Variants in DDX60L observed in about 807,000 individuals in gnomAD.
The protein encoded by DDX60L is probable ATP-dependent RNA helicase DDX60-like.
In DDX60L, 191 loss-of-function variants were observed where a neutral mutation model predicts 211.6. The observed-to-expected ratio is 0.90, with a 90% CI of 0.80 to 1.02. The LOEUF is 1.02. Among genes scored for constraint, DDX60L ranks in the 50% least tolerant of loss-of-function variants. The probability of loss-of-function intolerance (pLI) is 0.00; values close to 1 mark genes in which losing one functional copy is unlikely to be tolerated. For missense variants in DDX60L, 2,007 were observed against 1,984.1 expected (o/e 1.01, Z -0.22); for synonymous variants, 706 against 694.1 (o/e 1.02, Z -0.27).
chr4:168,466,016 A>G (rs999078364), intron 4 of DDX60L, among the ~76,000 whole-genome samples: 71 of 152,326 alleles, frequency 4.7e-4, no homozygotes, highest in African/African-American at 1.6e-3. Context: ...AATTATTTCT[A>G]ATTAAATGGT....
intron 35 of DDX60L, among the ~76,000 whole-genome samples, chr4:168,372,962 A>G (rs2149642944): frequency 6.6e-6 from 1 of 152,302 alleles, no homozygotes; most frequent in East Asian, 1.9e-4. Flanking sequence ...AAATGTCAAT[A>G]TTTATAATGA....
rs1011713066 is a variant in DDX60L at position 168,448,728 on chromosome 4, A to C, written c.1048T>G (p.Trp350Gly). 18 of 1,607,354 alleles carry C rather than the reference A, an allele frequency of 1.1e-5. No individual in the cohort carries two copies. The highest frequency in any genetic ancestry group is 1.5e-5 in the Non-Finnish European group (18 of 1,174,952). ...GAAACATGATTTAAATTCAGATTCC[A>C]GCATCCAAAAACGTTTAAGTTGCTT... Reference protein sequence around the residue: ...ILSNLNVFGCWNLNLNHVSDL... With the variant: ...ILSNLNVFGCGNLNLNHVSDL... Residue 350 changes from tryptophan to glycine, a missense_variant, in exon 9 of 38, where the codon TGG becomes GGG. By Grantham distance (184) the Trp-to-Gly change is radical. Coordinates refer to ENST00000682922, the MANE Select transcript of DDX60L (RefSeq NM_001012967.3).
Position 168,422,585 on chromosome 4 carries a change from A to T in DDX60L, c.2183T>A (p.Ile728Lys), listed in dbSNP as rs756114135. Reference sequence around the variant, plus strand: ...ATCCCGATCTTTTCTTTCATCTCTTATCAAGTAATGGCCCATGTATTGCAG... The same window carrying T: ...ATCCCGATCTTTTCTTTCATCTCTTTTCAAGTAATGGCCCATGTATTGCAG... Reference protein sequence around the residue: ...FQLQYMGHYLIRDERKDRDPR... With the variant: ...FQLQYMGHYLKRDERKDRDPR... The change falls in exon 16 of 38, where the codon ATA (isoleucine) becomes AAA (lysine). Residue 728 changes from isoleucine to lysine, a missense_variant. Physicochemically the swap from Ile to Lys is moderately radical, Grantham distance 102. Transcript: ENST00000682922. 3.1e-6 allele frequency: 5 copies of T among 1,613,510 alleles called. No homozygotes were observed. Among genetic ancestry groups the T allele is most frequent in the Non-Finnish European group, 4.2e-6 (5 of 1,179,792 alleles).
At chr4:168,432,337 TAG>T (rs1345700622) in intron 12 of DDX60L, 116 bp downstream of exon 12, 1 of 247,664 alleles carries the variant, frequency 4.0e-6, no homozygotes, top group Middle Eastern at 7.0e-4. Context: ...ATATAATATA[TAG>T]ATAGATCTCA....
intron 22 of DDX60L, among the ~76,000 whole-genome samples, chr4:168,412,712 T>C (rs1748895129): frequency 1.3e-5 from 2 of 152,208 alleles, no homozygotes; most frequent in Admixed American, 6.5e-5. Context: ...ATTGTGAGCC[T>C]AGGGCAATAC....
At chr4:168,453,089 C>A in intron 8 of DDX60L, 35 bp downstream of exon 8, 1 of 1,581,050 alleles carries the variant, frequency 6.3e-7, no homozygotes, top group African/African-American at 1.4e-5. Context: ...TTTCATCTCT[C>A]ATGTTCAGAC....
At position 168,371,674 on chromosome 4, in the gene DDX60L, T is replaced by G. The variant is rs746184110; in HGVS notation, c.4866A>C (p.Leu1622=). The G allele has an allele frequency of 2.0e-5, 32 of 1,604,382 alleles. No individual in the cohort carries two copies. In the Admixed American group the frequency reaches 5.5e-4, roughly 27 times the overall value. ...KLDNRGRRMP[L]NAYVLNFYKH... is the part of the protein sequence containing the mutation. ...TATAGAAATTGAGCACATATGCATT[T>G]AGTGGCATTCTCCTTCCTCGGTTAT... The change falls in exon 36 of 38, where the codon CTA becomes CTC. Residue 1622 remains leucine, a synonymous_variant. Coordinates refer to ENST00000682922, the MANE Select transcript of DDX60L (RefSeq NM_001012967.3).
In DDX60L at chr4:168,396,131, T is replaced by TA; in HGVS notation, c.3492-8_3492-7insT. 2 of 1,328,380 alleles carry TA rather than the reference T, an allele frequency of 1.5e-6. No homozygotes were observed. The highest frequency in any genetic ancestry group is 2.0e-6 in the Non-Finnish European group (2 of 1,001,908). The allele number at this position is 1,328,380 out of a possible 1,614,324, so 82.3% of individuals were successfully genotyped here. A position where few individuals can be genotyped will look rare whatever the true frequency, so the allele number is the denominator to read the frequency against. On this transcript the variant is annotated splice_polypyrimidine_tract_variant and splice_region_variant and intron_variant, in intron 26 of 37. Transcript: ENST00000682922. ...CTTTGGGTTTTTTTTAGTGCTACTA[T>TA]TTAAAAAAAAAAAAAAACTTTTAAG...
intron 4 of DDX60L, 109 bp from the exon 5 acceptor site, chr4:168,462,149 T>TA (rs1326928364): frequency 1.2e-6 from 1 of 822,000 alleles, no homozygotes; most frequent in Non-Finnish European, 1.9e-6. Context: ...TCATGTGATC[T>TA]AATTGTTTTG....
In DDX60L at chr4:168,461,685, TTAA is replaced by T; in HGVS notation, c.606+11_606+13del. 1.4e-6 allele frequency: 2 copies of T among 1,480,972 alleles called. No homozygotes were observed. The highest frequency in any genetic ancestry group is 1.8e-6 in the Non-Finnish European group (2 of 1,109,840). 91.7% of individuals were successfully genotyped at this position (1,480,972 alleles called of 1,614,324 possible). Reference sequence around the variant, plus strand: ...AAGAAATCAGGAAAAAAATGAGTTATTAATGTCAATTACCTCCTTGGAAAAAGT... The same window carrying T: ...AAGAAATCAGGAAAAAAATGAGTTATTGTCAATTACCTCCTTGGAAAAAGT... On this transcript the variant is annotated intron_variant, in intron 5 of 37. Transcript: ENST00000682922.
intron 20 of DDX60L, 131 bp downstream of exon 20, chr4:168,416,551 C>A: frequency 1.9e-6 from 1 of 513,970 alleles, no homozygotes; most frequent in Non-Finnish European, 3.2e-6. Flanking sequence ...AGACCACTGA[C>A]GTTTCAAAGA....
chr4:168,466,769 A>G (rs1758046142), intron 4 of DDX60L, among the ~76,000 whole-genome samples: 1 of 152,210 alleles, frequency 6.6e-6, no homozygotes, highest in East Asian at 1.9e-4. Flanking sequence ...TAGAGTATCC[A>G]GGTGATGGAT....
intron 37 of DDX60L, among the ~76,000 whole-genome samples, chr4:168,359,444 A>G (rs1280930206): frequency 6.6e-6 from 1 of 152,194 alleles, no homozygotes; most frequent in African/African-American, 2.4e-5. Flanking sequence ...CCAATTTGTC[A>G]TAATATCTCT....
intron 26 of DDX60L, 113 bp from the exon 27 acceptor site, chr4:168,396,237 T>TC (rs1426469959): frequency 1.6e-6 from 1 of 611,874 alleles, no homozygotes; most frequent in Admixed American, 3.4e-5. Context: ...TGACAGTAGC[T>TC]CCATCAATCC....
Position 168,471,869 on chromosome 4 carries a change from C to G in DDX60L, c.142G>C (p.Val48Leu), listed in dbSNP as rs1162899342. 6 of 1,613,002 alleles carry G rather than the reference C, an allele frequency of 3.7e-6. No homozygotes were observed. The highest frequency in any genetic ancestry group is 1.7e-5 in the Admixed American group (1 of 59,680). The change falls in exon 4 of 38, where the codon GTC becomes CTC. Residue 48 changes from valine (V) to leucine (L), a missense_variant. By Grantham distance (32) the Val-to-Leu change is conservative. Transcript: ENST00000682922. ...AATGATTTTACACCCAGGCATGTGA[C>G]AAGCAAGGAATCTCCATCAATCACA... ...FFVIDGDSLL[V>L]TCLGVKSFKW...
chr4:168,402,425 TA>T (rs1302320964), intron 25 of DDX60L, among the ~76,000 whole-genome samples: 3,114 of 142,850 alleles, frequency 0.022, 66 homozygotes, highest in African/African-American at 0.059. Context: ...GAGTCCAGTG[TA>T]AAAAAAAAAA....
chr4:168,421,598 T>G (rs1347519066), intron 17 of DDX60L, among the ~76,000 whole-genome samples, 162 bp downstream of exon 17: 1 of 152,130 alleles, frequency 6.6e-6, no homozygotes, highest in Non-Finnish European at 1.5e-5. Context: ...GAGGTTGCAG[T>G]GAGCCGAGAT....
intron 4 of DDX60L, among the ~76,000 whole-genome samples, chr4:168,462,377 TG>T (rs1170864139): frequency 1.3e-5 from 2 of 152,116 alleles, no homozygotes; most frequent in Non-Finnish European, 2.9e-5. Flanking sequence ...TAGATAAAAA[TG>T]TAACATTCCA....
At chr4:168,416,096 CA>C (rs1188492532) in intron 20 of DDX60L, among the ~76,000 whole-genome samples, 9 of 152,174 alleles carry the variant, frequency 5.9e-5, no homozygotes, top group African/African-American at 1.9e-4. Context: ...TGCTTGTTAC[CA>C]GTGCTGCTGT....
Sources: allele counts gnomAD v4.1 joint callset (sites outside exome capture counted in the v4.1 genomes callset), GRCh38; gene constraint gnomAD v4.1.1; transcripts MANE v1.5; gene names NCBI Gene and HGNC (gene_info 2026-07-23, HGNC 2026-07-21).